PLCB1: variants seen among roughly 807,000 people sequenced by gnomAD.
PLCB1 encodes phospholipase C beta 1, also known as 1-phosphatidylinositol 4,5-bisphosphate phosphodiesterase beta-1.
PLCB1 carries 46 observed loss-of-function variants against 161.8 expected under a neutral mutation model. That is an observed-to-expected ratio of 0.28 (90% CI 0.22 to 0.36). PLCB1 has a LOEUF of 0.36. PLCB1 is among the 10% of genes least tolerant of loss of function. The pLI is 1.00. For missense variants in PLCB1, 1,016 were observed against 1,472.5 expected (o/e 0.69, Z 5.07); for synonymous variants, 517 against 503.7 (o/e 1.03, Z -0.35).
intron 3 of PLCB1, among the ~76,000 whole-genome samples, chr20:8,472,292 T>A (rs955618086): frequency 4.6e-5 from 7 of 152,180 alleles, no homozygotes; most frequent in Non-Finnish European, 8.8e-5. Flanking sequence ...TTTCTTTTAT[T>A]GTTATGTTCT....
chr20:8,341,934 A>G (rs1014244939), intron 2 of PLCB1, among the ~76,000 whole-genome samples: 5 of 152,204 alleles, frequency 3.3e-5, no homozygotes, highest in Non-Finnish European at 7.3e-5. Context: ...TGTAAGTAAC[A>G]TAATGAGAAT....
chr20:8,604,969 C>A (rs1428386993), intron 3 of PLCB1, among the ~76,000 whole-genome samples: 3 of 151,782 alleles, frequency 2.0e-5, no homozygotes, highest in Admixed American at 6.6e-5. Context: ...TTTTAAAAAA[C>A]CCTAATCCTA....
At position 8,514,257 on chromosome 20, in the gene PLCB1, C is replaced by T. The variant is rs193084207; in HGVS notation, c.247-114037C>T. On this transcript the variant is annotated intron_variant, in intron 3 of 31. Transcript: ENST00000338037. The stretch of plus-strand genomic sequence containing the variant: ...GAGTTCGAGACCAACCTGGGCAACA[C>T]GGCGAAACCCTGTCTCTACTAAAAA... 4.2e-3 allele frequency among the ~76,000 whole-genome samples: 630 copies of T among 151,402 alleles called. 5 individuals carry two copies. The highest frequency in any genetic ancestry group is 0.013 in the African/African-American group (546 of 41,282).
rs58120268 is a variant in PLCB1, at chr20:8,139,747, A to G, written c.99+6997A>G. Among the ~76,000 whole-genome samples the G allele has an allele frequency of 1.8e-4, 28 of 152,336 alleles. No homozygotes were observed. The East Asian group carries it at 5.2e-3, about 28-fold the overall frequency. The stretch of plus-strand genomic sequence containing the variant: ...TCAAAAAATGTTAAAGATGCCAATC[A>G]TGATCCTCCCCAGGTGTGCTGTGTT... On this transcript the variant is annotated intron_variant, in intron 1 of 31. Transcript: ENST00000338037.
chr20:8,619,787 C>G (rs141004311), intron 3 of PLCB1, among the ~76,000 whole-genome samples: 24 of 152,182 alleles, frequency 1.6e-4, no homozygotes, highest in African/African-American at 5.8e-4. Context: ...AATTAAAGTG[C>G]AAATGTTTAG....
intron 2 of PLCB1, among the ~76,000 whole-genome samples, chr20:8,235,780 T>C (rs1980285307): frequency 6.6e-6 from 1 of 152,074 alleles, no homozygotes; most frequent in Non-Finnish European, 1.5e-5. Context: ...ATTTCTAAAA[T>C]ACTTTTATAA....
At chr20:8,203,097 G>GCA (rs61698006) in intron 2 of PLCB1, among the ~76,000 whole-genome samples, 50,716 of 150,136 alleles carry the variant, frequency 0.34, 9,857 homozygotes, top group African/African-American at 0.55. Flanking sequence ...ACACACACGC[G>GCA]CACACACACA....
chr20:8,327,919 A>C (rs576761703), intron 2 of PLCB1, among the ~76,000 whole-genome samples: 25 of 152,028 alleles, frequency 1.6e-4, no homozygotes, highest in Admixed American at 3.3e-4. Context: ...CACACACACA[A>C]ATTAGTGTTA....
chr20:8,243,711 T>C (rs189789741), intron 2 of PLCB1, among the ~76,000 whole-genome samples: 1 of 151,976 alleles, frequency 6.6e-6, no homozygotes, highest in Admixed American at 6.6e-5. Context: ...GTAACTTGGC[T>C]ATGGAATCAG....
At chr20:8,851,725 T>C (rs200363734) in intron 31 of PLCB1, among the ~76,000 whole-genome samples, 1 of 142,638 alleles carries the variant, frequency 7.0e-6, no homozygotes, top group Non-Finnish European at 1.5e-5. Flanking sequence ...TTTTTTTTTT[T>C]CATTTTTTTC....
At chr20:8,533,826 C>G (rs538831105) in intron 3 of PLCB1, among the ~76,000 whole-genome samples, 1 of 152,160 alleles carries the variant, frequency 6.6e-6, no homozygotes, top group Admixed American at 6.5e-5. Context: ...CCTGTTCACT[C>G]TGATGGTAGT....
chr20:8,660,435 A>G (rs143233004), intron 9 of PLCB1, among the ~76,000 whole-genome samples: 2 of 152,282 alleles, frequency 1.3e-5, no homozygotes, highest in African/African-American at 4.8e-5. Context: ...AGCCCACGAC[A>G]CTAGGAAAAC....
chr20:8,706,718 G>A (rs1385966649), intron 11 of PLCB1, among the ~76,000 whole-genome samples: 2 of 152,144 alleles, frequency 1.3e-5, no homozygotes, highest in East Asian at 3.9e-4. Context: ...ATAAGCTCTA[G>A]AGTCAGACAA....
intron 7 of PLCB1, chr20:8,651,530 T>G (rs1386114903): frequency 1.4e-6 from 1 of 716,176 alleles, no homozygotes; most frequent in Admixed American, 2.0e-5. Flanking sequence ...TTGCTATTGC[T>G]TTTTTGTTAG....
At chr20:8,450,691 C>A (rs916219222) in intron 3 of PLCB1, among the ~76,000 whole-genome samples, 7 of 152,060 alleles carry the variant, frequency 4.6e-5, no homozygotes, top group Non-Finnish European at 8.8e-5. Context: ...CTGTACTTAG[C>A]GAGGCATCTA....
At chr20:8,711,798 GCA>G in intron 12 of PLCB1, among the ~76,000 whole-genome samples, 1 of 151,762 alleles carries the variant, frequency 6.6e-6, no homozygotes, top group Non-Finnish European at 1.5e-5. Context: ...GTAGGCAGTA[GCA>G]GCACTCTTTC....
intron 2 of PLCB1, among the ~76,000 whole-genome samples, chr20:8,238,689 T>G (rs1980448335): frequency 6.6e-6 from 1 of 151,648 alleles, no homozygotes. Context: ...AAAGATGAAA[T>G]AAGACAGGCT....
intron 3 of PLCB1, among the ~76,000 whole-genome samples, chr20:8,512,014 C>T (rs1983912946): frequency 6.6e-6 from 1 of 152,050 alleles, no homozygotes; most frequent in Non-Finnish European, 1.5e-5. Context: ...CACGTTACCA[C>T]CTGTATGATC....
chr20:8,231,908 A>G (rs956596738), intron 2 of PLCB1, among the ~76,000 whole-genome samples: 4 of 152,114 alleles, frequency 2.6e-5, no homozygotes, highest in Non-Finnish European at 5.9e-5. Flanking sequence ...TTTTATATAT[A>G]CTGTATATAT....
Sources: allele counts gnomAD v4.1 joint callset (sites outside exome capture counted in the v4.1 genomes callset), GRCh38; gene constraint gnomAD v4.1.1; transcripts MANE v1.5; gene names NCBI Gene and HGNC (gene_info 2026-07-23, HGNC 2026-07-21).